The following SLC44A1 variants were observed in gnomAD, a reference collection of about 807,000 sequenced individuals.
SLC44A1 encodes the protein choline transporter-like protein 1.
A neutral mutation model predicts 79.3 loss-of-function variants in SLC44A1; 26 were observed. The observed-to-expected ratio is 0.33, with a 90% CI of 0.24 to 0.46. The LOEUF (loss-of-function observed/expected upper bound fraction) is 0.46. Among genes scored for constraint, SLC44A1 ranks in the 20% least tolerant of loss-of-function variants. The pLI, the probability that SLC44A1 is intolerant of heterozygous loss-of-function variation, is 1.00. For missense variants in SLC44A1, 688 were observed against 798.1 expected (o/e 0.86, Z 1.66); for synonymous variants, 263 against 286.2 (o/e 0.92, Z 0.82).
At chr9:105,354,085 C>T (rs1827541047) in intron 5 of SLC44A1, among the ~76,000 whole-genome samples, 1 of 108,030 alleles carries the variant, frequency 9.3e-6, no homozygotes, top group Non-Finnish European at 1.7e-5. Flanking sequence ...GAGTCTCTCT[C>T]TGTCGCCCAG....
At chr9:105,274,354 T>C (rs1830151989) in intron 1 of SLC44A1, among the ~76,000 whole-genome samples, 1 of 152,200 alleles carries the variant, frequency 6.6e-6, no homozygotes, top group African/African-American at 2.4e-5. Context: ...CGTGGAGGTG[T>C]ATTGGCCTTT....
At chr9:105,401,747 C>T (rs1225189411), downstream of SLC44A1, among the ~76,000 whole-genome samples, 2 of 152,212 alleles carry the variant, frequency 1.3e-5, no homozygotes, top group Non-Finnish European at 2.9e-5. Flanking sequence ...AGCATGCTCA[C>T]AGCAGCGTGC....
chr9:105,393,662 T>C lies in SLC44A1; in HGVS notation c.*4606T>C. 1.0e-6 allele frequency: 1 copy of C among 984,630 alleles called. No homozygotes were observed. The highest frequency in any genetic ancestry group is 1.2e-6 in the Non-Finnish European group (1 of 829,182). 61.0% of individuals were successfully genotyped at this position (984,630 alleles called of 1,614,324 possible). A position where few individuals can be genotyped will look rare whatever the true frequency, so the allele number is the denominator to read the frequency against. On this transcript the variant is annotated 3_prime_UTR_variant, in exon 16 of 16. Coordinates refer to ENST00000374720, the MANE Select transcript of SLC44A1 (RefSeq NM_080546.5). ...TCTTCCCATCTTGATTTTGTACATG[T>C]AAAGACAAATGATGATTCAGTTTCA...
At chr9:105,331,471 A>C (rs1826747026) in intron 3 of SLC44A1, among the ~76,000 whole-genome samples, 1 of 152,250 alleles carries the variant, frequency 6.6e-6, no homozygotes, top group African/African-American at 2.4e-5. Flanking sequence ...ATTGTCTAAA[A>C]ATAAAACTAT....
chr9:105,285,129 A>ATG (rs1228614022), intron 1 of SLC44A1, among the ~76,000 whole-genome samples: 2 of 152,148 alleles, frequency 1.3e-5, no homozygotes, highest in Non-Finnish European at 2.9e-5. Flanking sequence ...TATGGCATGG[A>ATG]TGTACCATAT....
intron 1 of SLC44A1, among the ~76,000 whole-genome samples, chr9:105,274,700 C>G (rs902698317): frequency 5.3e-5 from 8 of 152,130 alleles, no homozygotes; most frequent in Admixed American, 1.3e-4. Flanking sequence ...GAGTAAATAA[C>G]AGTAACACAA....
At chr9:105,413,691 C>T (rs1242934864) in intron 15 of SLC44A1, among the ~76,000 whole-genome samples, 2 of 152,194 alleles carry the variant, frequency 1.3e-5, no homozygotes, top group Non-Finnish European at 2.9e-5. Context: ...AGATGCAGTC[C>T]TAATCCAGGC....
chr9:105,305,419 C>A (rs928686694), intron 2 of SLC44A1, among the ~76,000 whole-genome samples: 1 of 152,026 alleles, frequency 6.6e-6, no homozygotes, highest in East Asian at 1.9e-4. Flanking sequence ...CTGCATCAGG[C>A]CTTTTATCCT....
chr9:105,261,194 GA>G (rs2131212272), intron 1 of SLC44A1, among the ~76,000 whole-genome samples: 1 of 152,064 alleles, frequency 6.6e-6, no homozygotes, highest in South Asian at 2.1e-4. Flanking sequence ...AACCAATCAG[GA>G]AAAAAGGCAC....
At chr9:105,364,764 A>G (rs764333862) in intron 10 of SLC44A1, 44 bp downstream of exon 10, 1 of 1,528,040 alleles carries the variant, frequency 6.5e-7, no homozygotes, top group Non-Finnish European at 9.0e-7. Flanking sequence ...CATCTAAGGG[A>G]TGGTGTCCGC....
intron 15 of SLC44A1, among the ~76,000 whole-genome samples, chr9:105,431,065 ATCTG>A (rs1829386481): frequency 6.6e-6 from 1 of 152,206 alleles, no homozygotes; most frequent in South Asian, 2.1e-4. Context: ...AAGTCAAATT[ATCTG>A]TCTTTTCCTT....
At chr9:105,269,363 G>C (rs1830030536) in intron 1 of SLC44A1, among the ~76,000 whole-genome samples, 1 of 152,022 alleles carries the variant, frequency 6.6e-6, no homozygotes, top group Non-Finnish European at 1.5e-5. Context: ...AGACCATTCT[G>C]GCAGTTTCCT....
intron 1 of SLC44A1, among the ~76,000 whole-genome samples, chr9:105,252,883 C>G (rs1003255952): frequency 1.3e-5 from 2 of 152,128 alleles, no homozygotes; most frequent in African/African-American, 4.8e-5. Flanking sequence ...TGAATTTATG[C>G]ATTGTGTAAA....
Position 105,244,710 on chromosome 9 carries a change from G to T in SLC44A1, c.-159G>T. On this transcript the variant is annotated 5_prime_UTR_variant, in exon 1 of 16. Transcript: ENST00000374720. ...GTGGCCGGCGCCTGCCTCTAGCCGC[G>T]CCGCCTCTTGAGTACCAGCCGCCGC... 2 of 317,382 alleles carry T rather than the reference G, an allele frequency of 6.3e-6. No individual in the cohort carries two copies. The highest frequency in any genetic ancestry group is 1.1e-5 in the Non-Finnish European group (2 of 180,652). The allele number at this position is 317,382 out of a possible 1,614,324, so 19.7% of individuals were successfully genotyped here.
intron 12 of SLC44A1, 80 bp downstream of exon 12, chr9:105,366,509 G>A (rs1448605290): frequency 8.3e-6 from 5 of 604,236 alleles, no homozygotes; most frequent in African/African-American, 1.9e-5. Context: ...AAACTTAATT[G>A]AAAGATGTTA....
In SLC44A1 at chr9:105,394,337, T is replaced by C; in HGVS notation, c.*5281T>C. On this transcript the variant is annotated 3_prime_UTR_variant, in exon 16 of 16. Transcript: ENST00000374720. ...GCAGGTTAGGGAATAGAAACCACAC[T>C]AATCTGAAGGAATAACAAGATGATC... 6.1e-6 allele frequency: 6 copies of C among 985,282 alleles called. No individual in the cohort carries two copies. The highest frequency in any genetic ancestry group is 7.2e-6 in the Non-Finnish European group (6 of 829,930). 61.0% of individuals were successfully genotyped at this position (985,282 alleles called of 1,614,324 possible).
chr9:105,388,351 G>C (rs1018825325), intron 15 of SLC44A1, among the ~76,000 whole-genome samples: 3 of 152,136 alleles, frequency 2.0e-5, no homozygotes, highest in Non-Finnish European at 4.4e-5. Flanking sequence ...TTGCTTATTT[G>C]TATTTGCTTG....
chr9:105,315,175 A>G lies in SLC44A1; in HGVS notation c.269+5309A>G, dbSNP rs1046861239. On this transcript the variant is annotated intron_variant, in intron 3 of 15. Transcript: ENST00000374720. The stretch of plus-strand genomic sequence containing the variant: ...AGGCACCAAAGCCCTTATACAATCT[A>G]GGAAGGCTTTGAGTAATTTGAAGGC... Among the ~76,000 whole-genome samples the G allele has an allele frequency of 3.3e-5, 5 of 152,098 alleles. 1 individual carries two copies. Among genetic ancestry groups the G allele is most frequent in the Admixed American group, 1.3e-4 (2 of 15,264 alleles).
intron 15 of SLC44A1, among the ~76,000 whole-genome samples, chr9:105,411,093 G>A (rs1026308037): frequency 6.6e-6 from 1 of 152,118 alleles, no homozygotes; most frequent in African/African-American, 2.4e-5. Flanking sequence ...AAAATATTCT[G>A]GAACTGTATA....
Sources: allele counts gnomAD v4.1 joint callset (sites outside exome capture counted in the v4.1 genomes callset), GRCh38; gene constraint gnomAD v4.1.1; transcripts MANE v1.5; gene names NCBI Gene and HGNC (gene_info 2026-07-23, HGNC 2026-07-21).